WIPF1: variants seen among roughly 807,000 people sequenced by gnomAD.
The protein encoded by WIPF1 is WAS/WASL-interacting protein family member 1.
In WIPF1, 13 loss-of-function variants were observed where a neutral mutation model predicts 35.4. The ratio of observed to expected loss-of-function variants is 0.37; its 90% CI spans 0.24 to 0.58. The LOEUF is 0.58. Among genes scored for constraint, WIPF1 ranks in the 20% least tolerant of loss-of-function variants. The pLI is 0.74. For synonymous variants in WIPF1, 267 were observed against 266.3 expected (o/e 1.00, Z -0.02); for missense variants, 591 against 667.0 (o/e 0.89, Z 1.25).
chr2:174,569,421 G>A (rs1684763994), intron 5 of WIPF1, among the ~76,000 whole-genome samples: 1 of 152,110 alleles, frequency 6.6e-6, no homozygotes, highest in African/African-American at 2.4e-5. Context: ...CATTTGCTGT[G>A]GTTTTAACTT....
At position 174,592,605 on chromosome 2, in the gene WIPF1, A is replaced by AT. The variant is rs36039287; in HGVS notation, c.-39+4995dup. 2.9e-3 allele frequency among the ~76,000 whole-genome samples: 382 copies of AT among 131,706 alleles called. 3 individuals are homozygous for AT. The highest frequency in any genetic ancestry group is 4.0e-3 in the Middle Eastern group (1 of 248). The allele number at this position is 131,706 out of a possible 152,430, so 86.4% of individuals were successfully genotyped here. A position where few individuals can be genotyped will look rare whatever the true frequency, so the allele number is the denominator to read the frequency against. On this transcript the variant is annotated intron_variant, in intron 1 of 7. Transcript: ENST00000679041. Reference sequence around the variant, plus strand: ...TATTTTTATTTACATTTATTTATTGATTTTTTTTTTTTTTTTTTGAGACAG... The same window carrying AT: ...TATTTTTATTTACATTTATTTATTGATTTTTTTTTTTTTTTTTTTGAGACAG...
intron 1 of WIPF1, among the ~76,000 whole-genome samples, chr2:174,641,882 C>A (rs1687301379): frequency 2.0e-5 from 3 of 152,148 alleles, no homozygotes; most frequent in African/African-American, 7.2e-5. Context: ...ACTGTGATCT[C>A]CACTTTACAG....
intron 1 of WIPF1, among the ~76,000 whole-genome samples, chr2:174,618,792 G>A (rs1686590770): frequency 6.6e-6 from 1 of 152,060 alleles, no homozygotes; most frequent in African/African-American, 2.4e-5. Flanking sequence ...GCCTCCCTGT[G>A]GGGCTAGTCC....
chr2:174,621,046 A>C (rs1686657582), intron 1 of WIPF1, among the ~76,000 whole-genome samples: 1 of 152,170 alleles, frequency 6.6e-6, no homozygotes, highest in African/African-American at 2.4e-5. Context: ...GGACTCATGT[A>C]AGCTGTTTAA....
At chr2:174,595,392 T>C (rs1038764947) in intron 1 of WIPF1, among the ~76,000 whole-genome samples, 1 of 151,656 alleles carries the variant, frequency 6.6e-6, no homozygotes, top group Non-Finnish European at 1.5e-5. Flanking sequence ...GCTCTTACAA[T>C]TCAGATAACT....
At chr2:174,611,945 A>G (rs1450005165) in intron 1 of WIPF1, among the ~76,000 whole-genome samples, 2 of 152,082 alleles carry the variant, frequency 1.3e-5, no homozygotes, top group Admixed American at 6.5e-5. Flanking sequence ...CACCCAGGCC[A>G]GAGTGCAGTG....
At chr2:174,625,444 A>C (rs1001953348) in intron 1 of WIPF1, among the ~76,000 whole-genome samples, 2 of 152,182 alleles carry the variant, frequency 1.3e-5, no homozygotes, top group Non-Finnish European at 2.9e-5. Flanking sequence ...ATGCTTCTGG[A>C]AAGCAGGCTG....
intron 1 of WIPF1, among the ~76,000 whole-genome samples, chr2:174,676,091 C>A (rs1256154040): frequency 6.7e-6 from 1 of 150,314 alleles, no homozygotes; most frequent in East Asian, 2.0e-4. Context: ...GGGCTACAGG[C>A]ACATACAGCC....
At chr2:174,589,763 T>C (rs7593492) in intron 1 of WIPF1, among the ~76,000 whole-genome samples, 15,482 of 152,274 alleles carry the variant, frequency 0.1, 904 homozygotes, top group African/African-American at 0.15. Context: ...TTTCACATCA[T>C]ATTACAACTA....
chr2:174,635,130 T>C (rs745832298), intron 1 of WIPF1, among the ~76,000 whole-genome samples: 1 of 152,218 alleles, frequency 6.6e-6, no homozygotes, highest in Non-Finnish European at 1.5e-5. Context: ...CTGAATTTCC[T>C]GGGACTCTCT....
chr2:174,647,699 TA>T (rs1362128146), intron 1 of WIPF1, among the ~76,000 whole-genome samples: 26 of 144,556 alleles, frequency 1.8e-4, no homozygotes, highest in East Asian at 1.6e-3. Context: ...ATCTCCATGA[TA>T]AAAAAAAATG....
At chr2:174,621,431 G>C (rs1018730524) in intron 1 of WIPF1, among the ~76,000 whole-genome samples, 2 of 152,018 alleles carry the variant, frequency 1.3e-5, no homozygotes, top group Non-Finnish European at 2.9e-5. Flanking sequence ...GATCAGGAGA[G>C]GTATAAGCAG....
chr2:174,668,265 A>T (rs1687934101), intron 1 of WIPF1, among the ~76,000 whole-genome samples: 1 of 152,190 alleles, frequency 6.6e-6, no homozygotes, highest in Admixed American at 6.5e-5. Flanking sequence ...CTCTGCTACC[A>T]ACTGGCCATT....
At chr2:174,650,449 T>C (rs966913770) in intron 1 of WIPF1, among the ~76,000 whole-genome samples, 2 of 152,208 alleles carry the variant, frequency 1.3e-5, no homozygotes, top group African/African-American at 4.8e-5. Context: ...TCAATTAACC[T>C]GTTGGGTAAT....
intron 7 of WIPF1, 100 bp downstream of exon 7, chr2:174,566,970 T>C: frequency 1.7e-6 from 2 of 1,143,630 alleles, no homozygotes; most frequent in Non-Finnish European, 2.6e-6. Context: ...AAGGGTTCTC[T>C]ACCCCACTCC....
chr2:174,634,282 A>G (rs1375727301), intron 1 of WIPF1, among the ~76,000 whole-genome samples: 1 of 152,232 alleles, frequency 6.6e-6, no homozygotes, highest in Non-Finnish European at 1.5e-5. Context: ...TTCTTTCAGA[A>G]GCAGAGAAGT....
At chr2:174,641,189 T>A (rs548721714) in intron 1 of WIPF1, among the ~76,000 whole-genome samples, 1 of 152,324 alleles carries the variant, frequency 6.6e-6, no homozygotes, top group South Asian at 2.1e-4. Context: ...ACATTGGATA[T>A]CCATGTGCAG....
intron 4 of WIPF1, 46 bp from the exon 5 acceptor site, chr2:174,572,492 G>A (rs773968897): frequency 9.6e-5 from 154 of 1,610,036 alleles, no homozygotes; most frequent in Non-Finnish European, 1.1e-4. Flanking sequence ...CAGGAACCCT[G>A]AAGAAATCAG....
At chr2:174,576,489 C>T (rs1685068636) in intron 3 of WIPF1, among the ~76,000 whole-genome samples, 1 of 152,100 alleles carries the variant, frequency 6.6e-6, no homozygotes, top group South Asian at 2.1e-4. Flanking sequence ...CATTTGATGG[C>T]CCTTTAGATT....
Sources: gnomAD v4.1 joint callset for allele counts (sites outside exome capture counted in the v4.1 genomes callset) on GRCh38, gnomAD v4.1.1 for gene constraint, MANE v1.5 for transcripts, NCBI Gene and HGNC (gene_info 2026-07-23, HGNC 2026-07-21) for gene names.